The following SYN3 variants were observed in gnomAD, a reference collection of about 807,000 sequenced individuals.
The protein encoded by SYN3 is synapsin-3.
Under a neutral mutation model 65.8 loss-of-function variants are expected in SYN3, and 35 were observed. The observed-to-expected ratio is 0.53, with a 90% CI of 0.41 to 0.70. The LOEUF (loss-of-function observed/expected upper bound fraction) is 0.70. Ranked by LOEUF, SYN3 falls within the 30% of genes least tolerant of loss-of-function variation. The pLI is 0.00. For missense variants in SYN3, 680 were observed against 749.0 expected, an observed-to-expected ratio of 0.91 and a Z score of 1.08; for synonymous variants, 270 against 292.9, an observed-to-expected ratio of 0.92 and a Z score of 0.80.
chr22:32,935,287 C>T (rs1193997987), intron 3 of SYN3, among the ~76,000 whole-genome samples: 3 of 98,304 alleles, frequency 3.1e-5, no homozygotes, highest in Non-Finnish European at 8.2e-5. Flanking sequence ...CTCTCTCTTT[C>T]TCTCTCTCTC....
At chr22:33,044,234 G>A (rs10483168) in intron 1 of SYN3, among the ~76,000 whole-genome samples, 10 of 152,018 alleles carry the variant, frequency 6.6e-5, no homozygotes, top group Non-Finnish European at 1.0e-4. Flanking sequence ...GGTACAGTGC[G>A]TTCTTCCACC....
intron 1 of SYN3, among the ~76,000 whole-genome samples, chr22:33,007,044 C>T (rs977676484): frequency 4.6e-5 from 7 of 152,178 alleles, no homozygotes; most frequent in African/African-American, 1.7e-4. Flanking sequence ...ACAGAAAAAG[C>T]TTCATGCACA....
intron 4 of SYN3, among the ~76,000 whole-genome samples, chr22:32,883,206 C>A (rs541152527): frequency 4.6e-5 from 7 of 152,354 alleles, no homozygotes; most frequent in African/African-American, 1.4e-4. Context: ...GTGGACCCTG[C>A]CCTCCCTGCT....
At chr22:32,973,845 G>C (rs1483513890) in intron 3 of SYN3, among the ~76,000 whole-genome samples, 1 of 152,136 alleles carries the variant, frequency 6.6e-6, no homozygotes, top group Admixed American at 6.5e-5. Flanking sequence ...TCGCACCCAG[G>C]CTGGACGATC....
At chr22:32,526,555 G>A (rs571919337) in intron 12 of SYN3, among the ~76,000 whole-genome samples, 12 of 151,820 alleles carry the variant, frequency 7.9e-5, no homozygotes, top group African/African-American at 1.2e-4. Flanking sequence ...TCCCTCTATC[G>A]CCCAGGGTGG....
chr22:32,970,041 A>G lies in SYN3; in HGVS notation c.369+10604T>C, dbSNP rs376096317. Reference sequence around the variant, plus strand: ...CCTTTCTATTTCTGAATGCTTCAAGAGACTGAAGCCTAGAAACTACTCAGA... The same window carrying G: ...CCTTTCTATTTCTGAATGCTTCAAGGGACTGAAGCCTAGAAACTACTCAGA... On this transcript the variant is annotated intron_variant, in intron 3 of 13. Transcript: ENST00000358763. Among the ~76,000 whole-genome samples, 76 of 152,334 alleles carry G rather than the reference A, an allele frequency of 5.0e-4. 2 individuals are homozygous for G. In the South Asian group the frequency reaches 0.015, roughly 31 times the overall value.
chr22:33,054,790 A>T (rs1181921077), intron 1 of SYN3, among the ~76,000 whole-genome samples: 1 of 152,194 alleles, frequency 6.6e-6, no homozygotes, highest in Non-Finnish European at 1.5e-5. Context: ...TGTATGTTAT[A>T]CTACATTTTG....
chr22:32,591,337 T>C (rs1185737038), intron 7 of SYN3, among the ~76,000 whole-genome samples: 1 of 152,194 alleles, frequency 6.6e-6, no homozygotes, highest in East Asian at 1.9e-4. Context: ...CATTAATGGT[T>C]TTCGAATGTG....
chr22:32,916,650 G>GT (rs1280171940), intron 4 of SYN3, among the ~76,000 whole-genome samples: 1 of 152,172 alleles, frequency 6.6e-6, no homozygotes, highest in Non-Finnish European at 1.5e-5. Context: ...TAGACCCCTG[G>GT]TGCTAGAGTC....
At chr22:32,625,352 C>T (rs3788466) in intron 6 of SYN3, among the ~76,000 whole-genome samples, 11,785 of 152,220 alleles carry the variant, frequency 0.077, 1,013 homozygotes, top group African/African-American at 0.21. Flanking sequence ...CCATGTGCCA[C>T]GTTTCTGCAG....
At chr22:32,949,406 ACT>A (rs2051217877) in intron 3 of SYN3, among the ~76,000 whole-genome samples, 1 of 150,404 alleles carries the variant, frequency 6.6e-6, no homozygotes, top group Non-Finnish European at 1.5e-5. Flanking sequence ...ACAGAGCGAG[ACT>A]CTATGTCAAA....
intron 4 of SYN3, among the ~76,000 whole-genome samples, chr22:32,905,109 G>A (rs2146545821): frequency 6.6e-6 from 1 of 152,188 alleles, no homozygotes; most frequent in African/African-American, 2.4e-5. Flanking sequence ...GCTCGAATTT[G>A]CTATACTCTC....
chr22:32,691,911 G>C (rs1370102891), intron 6 of SYN3, among the ~76,000 whole-genome samples: 1 of 151,956 alleles, frequency 6.6e-6, no homozygotes. Context: ...GAGCTCCTGG[G>C]GTGAAAGTTT....
chr22:32,626,666 G>A (rs1257793094), intron 6 of SYN3, among the ~76,000 whole-genome samples: 1 of 152,190 alleles, frequency 6.6e-6, no homozygotes, highest in Non-Finnish European at 1.5e-5. Flanking sequence ...ACAGACTCAT[G>A]AACTTGCCAC....
intron 6 of SYN3, among the ~76,000 whole-genome samples, chr22:32,757,064 G>GC (rs1569200103): frequency 6.6e-6 from 1 of 150,540 alleles, no homozygotes; most frequent in African/African-American, 2.4e-5. Flanking sequence ...TTTTGAGGGG[G>GC]GGTGGTTTGG....
intron 6 of SYN3, among the ~76,000 whole-genome samples, chr22:32,717,605 G>A (rs1170405953): frequency 1.3e-5 from 2 of 152,156 alleles, no homozygotes; most frequent in Non-Finnish European, 2.9e-5. Context: ...TGTCAGACTT[G>A]GGCAAGCTGA....
At chr22:32,878,184 T>G (rs1396579773) in intron 4 of SYN3, among the ~76,000 whole-genome samples, 1 of 152,138 alleles carries the variant, frequency 6.6e-6, no homozygotes, top group Non-Finnish European at 1.5e-5. Context: ...TCAATGTGAC[T>G]GGACCCCAAG....
At chr22:32,720,224 T>C (rs2147285769) in intron 6 of SYN3, among the ~76,000 whole-genome samples, 1 of 152,354 alleles carries the variant, frequency 6.6e-6, no homozygotes, top group Middle Eastern at 3.4e-3. Flanking sequence ...TTTATTGTAT[T>C]GTTTGAGTGT....
At chr22:32,616,347 G>A (rs1447741682) in intron 6 of SYN3, among the ~76,000 whole-genome samples, 1 of 152,146 alleles carries the variant, frequency 6.6e-6, no homozygotes, top group African/African-American at 2.4e-5. Flanking sequence ...GCCCAAACAC[G>A]ACTAGGGCCT....
Sources: allele counts gnomAD v4.1 joint callset (sites outside exome capture counted in the v4.1 genomes callset), GRCh38; gene constraint gnomAD v4.1.1; transcripts MANE v1.5; gene names NCBI Gene and HGNC (gene_info 2026-07-23, HGNC 2026-07-21).